COL5A1: variants seen among roughly 807,000 people sequenced by gnomAD.
The protein encoded by COL5A1 is collagen type V alpha 1 chain, also known as collagen alpha-1(V) chain.
Under a neutral mutation model 263.7 loss-of-function variants are expected in COL5A1, and 16 were observed. The ratio of observed to expected loss-of-function variants is 0.06; its 90% CI spans 0.04 to 0.09. The LOEUF (loss-of-function observed/expected upper bound fraction) is 0.09. Ranked by LOEUF, COL5A1 falls within the 10% of genes least tolerant of loss-of-function variation. COL5A1 has a pLI of 1.00. For synonymous variants in COL5A1, 1,012 were observed against 1,004.5 expected (o/e 1.01, Z -0.14); for missense variants, 2,036 against 2,540.5 (o/e 0.80, Z 4.27).
chr9:134,812,229 T>G (rs1838550490), intron 46 of COL5A1, among the ~76,000 whole-genome samples: 2 of 152,204 alleles, frequency 1.3e-5, no homozygotes, highest in African/African-American at 2.4e-5. Context: ...CATAATCACC[T>G]TTGTCGTAAA....
At position 134,642,285 on chromosome 9, in the gene COL5A1, C is replaced by T. The variant is rs761238520; in HGVS notation, c.98C>T (p.Pro33Leu). ...CTGCTGCTGCTGTGGGCGCCGCCTC[C>T]GAGCCGCGCAGGTAAGGGCGCCCCG... ...LLLLLLWAPPPSRAAQPADLL... is the reference protein window; with the variant it reads ...LLLLLLWAPPLSRAAQPADLL... The change falls in exon 1 of 66, where the codon CCG becomes CTG. Residue 33 changes from proline (P) to leucine (L), a missense_variant. By Grantham distance (98) the Pro-to-Leu change is moderately conservative. Around this residue, in one of 3 missense-constraint regions of COL5A1, gnomAD observed 600 missense variants for 634.5 expected, o/e 0.95. Transcript: ENST00000371817. The surrounding 1 kb of genome is among the most constrained non-coding windows in gnomAD (Gnocchi z 4.5). 17 of 1,141,340 alleles carry T rather than the reference C, an allele frequency of 1.5e-5. No homozygotes were observed. In the Admixed American group the frequency reaches 4.9e-4, roughly 33 times the overall value. The allele number at this position is 1,141,340 out of a possible 1,614,324, so 70.7% of individuals were successfully genotyped here.
rs1395375653 is a variant in COL5A1, at chr9:134,758,366, CCTT to C, written c.1935+72_1935+74del. On this transcript the variant is annotated intron_variant, in intron 18 of 65. Transcript: ENST00000371817. The surrounding 1 kb of genome is among the most constrained non-coding windows in gnomAD (Gnocchi z 4.1). ...GAGGTGTCTCTCGGGAGGCCCTTCT[CCTT>C]CCAGGCAGCCTCAGATTTCCTGTGG... 7 of 1,501,200 alleles carry C rather than the reference CCTT, an allele frequency of 4.7e-6. No homozygotes were observed. The African/African-American group carries it at 9.6e-5, about 21-fold the overall frequency. The allele number at this position is 1,501,200 out of a possible 1,614,324, so 93.0% of individuals were successfully genotyped here.
chr9:134,831,931 C>A (rs1839647881), intron 64 of COL5A1, among the ~76,000 whole-genome samples: 1 of 152,150 alleles, frequency 6.6e-6, no homozygotes, highest in African/African-American at 2.4e-5. Context: ...CTGTGAATAT[C>A]ATACGTGGAC....
chr9:134,796,599 A>G (rs62571374), intron 35 of COL5A1, among the ~76,000 whole-genome samples, 181 bp downstream of exon 35: 5 of 152,180 alleles, frequency 3.3e-5, no homozygotes. Context: ...TCCGTAGGTC[A>G]GGGGCCTCGA....
At chr9:134,667,615 A>G (rs886097975) in intron 1 of COL5A1, among the ~76,000 whole-genome samples, 8 of 152,222 alleles carry the variant, frequency 5.3e-5, no homozygotes, top group Non-Finnish European at 1.2e-4. Flanking sequence ...CGCTAGGCTT[A>G]TCTCTTTCCA....
Position 134,812,648 on chromosome 9 carries a change from C to T in COL5A1, c.3788C>T (p.Pro1263Leu), listed in dbSNP as rs140244245. The T allele has an allele frequency of 7.5e-6, 12 of 1,599,012 alleles. No homozygotes were observed. The highest frequency in any genetic ancestry group is 1.7e-4 in the Middle Eastern group (1 of 6,032). Residue 1263 changes from proline to leucine, a missense_variant, in exon 48 of 66, where the codon CCA (proline) becomes CTA (leucine). Pro to Leu is a moderately conservative substitution (Grantham distance 98, BLOSUM62 -3). Transcript: ENST00000371817. ...PPGPRGPSGA[P>L]GADGPQGPPG... Reference sequence around the variant, plus strand: ...GGCCCCCGAGGACCCTCCGGAGCTCCAGGTGCTGATGGCCCACAAGGTCCC... The same window carrying T: ...GGCCCCCGAGGACCCTCCGGAGCTCTAGGTGCTGATGGCCCACAAGGTCCC...
intron 7 of COL5A1, 21 bp from the exon 8 acceptor site, chr9:134,731,475 C>A (rs777559856): frequency 5.0e-6 from 8 of 1,613,514 alleles, no homozygotes; most frequent in Non-Finnish European, 6.8e-6. Context: ...GGCAACCCTG[C>A]GCCTTCCTCT....
chr9:134,824,604 C>T lies in COL5A1; in HGVS notation c.4703C>T (p.Pro1568Leu), dbSNP rs780846555. The T allele has an allele frequency of 2.5e-5, 41 of 1,614,058 alleles. No individual in the cohort carries two copies. Among genetic ancestry groups the T allele is most frequent in the Non-Finnish European group, 3.1e-5 (37 of 1,180,010 alleles). ...GHPGPPGPPG[P>L]PGEVIQPLPI... Reference sequence around the variant, plus strand: ...TGCTCCTGTTCTGTCCCCCAGGGCCCCCCGGGAGAGGTCATCCAGCCCCTG... The same window carrying T: ...TGCTCCTGTTCTGTCCCCCAGGGCCTCCCGGGAGAGGTCATCCAGCCCCTG... Residue 1568 changes from proline to leucine, a missense_variant, in exon 62 of 66, where the codon CCC (proline) becomes CTC (leucine). By Grantham distance (98) the Pro-to-Leu change is moderately conservative. This residue lies in a region of COL5A1 where 358 missense variants were observed against 384.6 expected (regional missense o/e 0.93). Coordinates refer to ENST00000371817, the MANE Select transcript of COL5A1 (RefSeq NM_000093.5).
chr9:134,802,670 G>A lies in COL5A1; in HGVS notation c.3007-218G>A, dbSNP rs1188696860. ...GCGCCAGGTGGGGGAAGAGGGCCAC[G>A]CGGGGCCCAGCAGATGCCAGGCAGT... On this transcript the variant is annotated intron_variant, in intron 38 of 65. Transcript: ENST00000371817. Among the ~76,000 whole-genome samples, 15 of 152,216 alleles carry A rather than the reference G, an allele frequency of 9.9e-5. 1 individual carries two copies. Among genetic ancestry groups the A allele is most frequent in the Admixed American group, 9.2e-4 (14 of 15,286 alleles).
chr9:134,683,753 A>C (rs1209972255), intron 1 of COL5A1, among the ~76,000 whole-genome samples: 1 of 152,140 alleles, frequency 6.6e-6, no homozygotes, highest in South Asian at 2.1e-4. Context: ...ACCCCACCTG[A>C]GAGTGGGTGC....
intron 4 of COL5A1, among the ~76,000 whole-genome samples, chr9:134,706,484 A>C (rs1478682278): frequency 6.6e-6 from 1 of 152,154 alleles, no homozygotes; most frequent in Non-Finnish European, 1.5e-5. Context: ...CTTCACAGGC[A>C]AGGAGAAGGC....
At chr9:134,826,718 G>A (rs111073278) in intron 63 of COL5A1, among the ~76,000 whole-genome samples, 1 of 147,392 alleles carries the variant, frequency 6.8e-6, no homozygotes, top group African/African-American at 2.5e-5. Flanking sequence ...GGGGTGTGTG[G>A]GTGGTGTGTG....
At position 134,789,160 on chromosome 9, in the gene COL5A1, T is replaced by C; in HGVS notation, c.2652T>C (p.Ser884=). The change falls in exon 32 of 66, where the codon TCT becomes TCC. Residue 884 remains serine (S), a synonymous_variant. Transcript: ENST00000371817. This position sits in a 1 kb window ranked among gnomAD's most constrained non-coding sequence, Gnocchi z 4.8. ...CTCCTTAAACTCTCTTTCAGGGCTCTATTGGATTCCCTGGATTTCCTGGCG... is the reference window on the plus strand; with the variant it reads ...CTCCTTAAACTCTCTTTCAGGGCTCCATTGGATTCCCTGGATTTCCTGGCG... ...GYPGRQGPKG[S]IGFPGFPGAN... is the part of the protein sequence containing the mutation. 2 of 1,613,044 alleles carry C rather than the reference T, an allele frequency of 1.2e-6. No homozygotes were observed. Among genetic ancestry groups the C allele is most frequent in the Non-Finnish European group, 1.7e-6 (2 of 1,179,876 alleles).
chr9:134,749,144 A>C (rs1178038125), intron 11 of COL5A1, among the ~76,000 whole-genome samples: 1 of 152,228 alleles, frequency 6.6e-6, no homozygotes, highest in Non-Finnish European at 1.5e-5. Context: ...GCTGAGGCAG[A>C]GAATTGCTTG....
chr9:134,824,843 G>T lies in COL5A1; in HGVS notation c.4942G>T (p.Asp1648Tyr), dbSNP rs771354369. ...CAAGGACCTGCAGCTCTGCCACCCC[G>T]ACTTCCCAGATGGTGAGGGCCTGGG... ...TCKDLQLCHPDFPDGEYWVDP... is the reference protein window; with the variant it reads ...TCKDLQLCHPYFPDGEYWVDP... The change falls in exon 62 of 66, where the codon GAC becomes TAC. Residue 1648 changes from aspartate to tyrosine, a missense_variant. Transcript: ENST00000371817. The T allele has an allele frequency of 1.9e-6, 3 of 1,612,438 alleles. No individual in the cohort carries two copies. Among genetic ancestry groups the T allele is most frequent in the South Asian group, 2.2e-5 (2 of 90,954 alleles).
In COL5A1 at chr9:134,830,000, G is replaced by C; in HGVS notation, c.5092G>C (p.Glu1698Gln). ...EGARITSWPK[E>Q]NPGSWFSEFK... Reference sequence around the variant, plus strand: ...GGCCAGAATCACTTCTTGGCCCAAAGAAAACCCGGGCTCCTGGTTCAGTGA... The same window carrying C: ...GGCCAGAATCACTTCTTGGCCCAAACAAAACCCGGGCTCCTGGTTCAGTGA... Residue 1698 changes from glutamate (E) to glutamine (Q), a missense_variant, in exon 64 of 66, where the codon GAA (glutamate) becomes CAA (glutamine). Glu to Gln is a conservative substitution (Grantham distance 29). Coordinates refer to ENST00000371817, the MANE Select transcript of COL5A1 (RefSeq NM_000093.5). 1 of 1,613,896 alleles carries C rather than the reference G, an allele frequency of 6.2e-7. No homozygotes were observed. The highest frequency in any genetic ancestry group is 8.5e-7 in the Non-Finnish European group (1 of 1,179,966).
At position 134,652,597 on chromosome 9, in the gene COL5A1, G is replaced by A; in HGVS notation, c.109+10301G>A. The stretch of plus-strand genomic sequence containing the variant: ...GTAGTTGGGGGAGTCCGAGGATGCT[G>A]CTCTGCACCCCACAGTGCACGGGAC... On this transcript the variant is annotated intron_variant, in intron 1 of 65. Coordinates refer to ENST00000371817, the MANE Select transcript of COL5A1 (RefSeq NM_000093.5). This position sits in a 1 kb window ranked among gnomAD's most constrained non-coding sequence, Gnocchi z 4.4. The A allele has an allele frequency of 2.3e-6, 1 of 436,704 alleles. No homozygotes were observed. The highest frequency in any genetic ancestry group is 4.9e-6 in the Non-Finnish European group (1 of 205,112). The allele number at this position is 436,704 out of a possible 1,614,324, so 27.1% of individuals were successfully genotyped here.
intron 13 of COL5A1, among the ~76,000 whole-genome samples, 197 bp from the exon 14 acceptor site, chr9:134,752,392 C>T (rs986661737): frequency 4.8e-5 from 7 of 146,424 alleles, no homozygotes; most frequent in South Asian, 2.2e-4. Context: ...ACGTCACTCC[C>T]GTGGATGCTG....
Position 134,677,600 on chromosome 9 carries a change from C to T in COL5A1, c.110-13312C>T, listed in dbSNP as rs950547357. On this transcript the variant is annotated intron_variant, in intron 1 of 65. Transcript: ENST00000371817. This position sits in a 1 kb window ranked among gnomAD's most constrained non-coding sequence, Gnocchi z 4.4. ...TGATGACATTCCTTCCCCCATCACTCCTTGGCACAGCCACCCTTCATCCAG... is the reference window on the plus strand; with the variant it reads ...TGATGACATTCCTTCCCCCATCACTTCTTGGCACAGCCACCCTTCATCCAG... 3.3e-5 allele frequency among the ~76,000 whole-genome samples: 5 copies of T among 152,200 alleles called. No homozygotes were observed.
Sources: gnomAD v4.1 joint callset for allele counts (sites outside exome capture counted in the v4.1 genomes callset) on GRCh38, gnomAD v4.1.1 for gene constraint, gnomAD v4.1.1 regional missense constraint, Gnocchi (gnomAD v3.1) non-coding constraint, MANE v1.5 for transcripts, NCBI Gene and HGNC (gene_info 2026-07-23, HGNC 2026-07-21) for gene names.